The following SLC8A1 variants were observed in gnomAD, a reference collection of about 807,000 sequenced individuals.
The protein encoded by SLC8A1 is solute carrier family 8 member A1.
SLC8A1 carries 18 observed loss-of-function variants against 68.3 expected under a neutral mutation model. The observed-to-expected ratio is 0.26, with a 90% confidence interval of 0.18 to 0.39. The LOEUF is 0.39. Ranked by LOEUF, SLC8A1 falls within the 10% of genes least tolerant of loss-of-function variation. The pLI is 1.00. For synonymous variants in SLC8A1, 475 were observed against 415.5 expected, an observed-to-expected ratio of 1.14 and a Z score of -1.74; for missense variants, 985 against 1,156.7, an observed-to-expected ratio of 0.85 and a Z score of 2.15.
intron 2 of SLC8A1, among the ~76,000 whole-genome samples, chr2:40,257,805 T>C (rs3749056): frequency 0.82 from 124,937 of 152,202 alleles, 52,199 homozygotes; most frequent in South Asian, 0.93. Flanking sequence ...AATTCTCCAG[T>C]AACTTTTTCT....
At chr2:40,132,041 C>T (rs2039483337) in intron 7 of SLC8A1, among the ~76,000 whole-genome samples, 1 of 151,794 alleles carries the variant, frequency 6.6e-6, no homozygotes, top group East Asian at 1.9e-4. Flanking sequence ...TCATGCCAAA[C>T]AGAATAATAG....
upstream of SLC8A1, among the ~76,000 whole-genome samples, chr2:40,454,386 T>C (rs957770942): frequency 6.6e-6 from 1 of 152,130 alleles, no homozygotes; most frequent in South Asian, 2.1e-4. Flanking sequence ...GCTGAGATTT[T>C]CTTGAAATTT....
chr2:40,316,342 CA>C (rs1347309577), intron 2 of SLC8A1, among the ~76,000 whole-genome samples: 1 of 151,878 alleles, frequency 6.6e-6, no homozygotes, highest in Admixed American at 6.6e-5. Context: ...TTACTACCTC[CA>C]AAAAGCAGTA....
At chr2:40,467,521 ATTG>A (rs1378424835) in intron 1 of SLC8A1, among the ~76,000 whole-genome samples, 1 of 152,084 alleles carries the variant, frequency 6.6e-6, no homozygotes, top group Non-Finnish European at 1.5e-5. Context: ...GGCAGCTGCT[ATTG>A]TTGTCTCCTT....
At chr2:40,115,205 T>G (rs752982570) in exon 8 of SLC8A1, 1 of 1,211,962 alleles carries the variant, frequency 8.3e-7, no homozygotes, top group East Asian at 2.8e-5. Flanking sequence ...ACATAATTTT[T>G]ATGTATATAT....
At chr2:40,443,554 G>C (rs17026039) in intron 1 of SLC8A1, among the ~76,000 whole-genome samples, 32,250 of 151,966 alleles carry the variant, frequency 0.21, 3,782 homozygotes, top group East Asian at 0.44. Context: ...TGTTTGGAAG[G>C]GACAAAAAGT....
intron 2 of SLC8A1, among the ~76,000 whole-genome samples, chr2:40,191,049 T>C (rs1052270482): frequency 6.6e-6 from 1 of 152,194 alleles, no homozygotes; most frequent in African/African-American, 2.4e-5. Flanking sequence ...AACAATGTGG[T>C]AAGCTTGTAG....
intron 1 of SLC8A1, among the ~76,000 whole-genome samples, chr2:40,432,249 G>T (rs565642065): frequency 5.9e-5 from 9 of 151,676 alleles, no homozygotes; most frequent in Non-Finnish European, 1.0e-4. Context: ...TAGATCCTGA[G>T]AATTCACCAG....
At chr2:40,409,081 A>G (rs1691305690) in intron 2 of SLC8A1, among the ~76,000 whole-genome samples, 1 of 152,176 alleles carries the variant, frequency 6.6e-6, no homozygotes, top group Non-Finnish European at 1.5e-5. Flanking sequence ...ACAGACCTGT[A>G]AAGTGCTGCT....
intron 1 of SLC8A1, among the ~76,000 whole-genome samples, chr2:40,451,540 T>A (rs1317051776): frequency 6.6e-6 from 1 of 152,152 alleles, no homozygotes; most frequent in African/African-American, 2.4e-5. Context: ...CGGGGTGGAC[T>A]TAGCTCTTCG....
intron 2 of SLC8A1, among the ~76,000 whole-genome samples, chr2:40,209,654 C>T (rs2056203043): frequency 6.6e-6 from 1 of 152,078 alleles, no homozygotes; most frequent in African/African-American, 2.4e-5. Context: ...ATGATGGTGC[C>T]TCAGGACAGG....
At chr2:40,215,494 G>A (rs562109574) in intron 2 of SLC8A1, among the ~76,000 whole-genome samples, 15 of 151,766 alleles carry the variant, frequency 9.9e-5, no homozygotes, top group South Asian at 4.2e-4. Context: ...AAAATTAGCC[G>A]GGCACGGTGG....
rs1299299228 is a variant in SLC8A1 at position 40,247,503 on chromosome 2, T to TTTAAA, written c.1809-69653_1809-69649dup. The stretch of plus-strand genomic sequence containing the variant: ...GGCATGGGTTTTACTAATGTTATTA[T>TTTAAA]TTAAATAAACCCTTCCTTATGCTAG... On this transcript the variant is annotated intron_variant, in intron 2 of 7. Coordinates refer to ENST00000406785, the Ensembl canonical transcript of SLC8A1. Among the ~76,000 whole-genome samples the TTTAAA allele has an allele frequency of 4.5e-4, 68 of 152,228 alleles. 1 individual carries two copies. Among genetic ancestry groups the TTTAAA allele is most frequent in the African/African-American group, 1.4e-3 (59 of 41,540 alleles).
intron 1 of SLC8A1, among the ~76,000 whole-genome samples, chr2:40,471,526 ATGGAG>A (rs1311741500): frequency 6.6e-6 from 1 of 152,078 alleles, no homozygotes; most frequent in Non-Finnish European, 1.5e-5. Flanking sequence ...CCCTGATCCT[ATGGAG>A]TGAGACAGTA....
At chr2:40,495,021 G>T (rs972981000) in intron 1 of SLC8A1, among the ~76,000 whole-genome samples, 2 of 151,568 alleles carry the variant, frequency 1.3e-5, no homozygotes, top group Admixed American at 6.6e-5. Flanking sequence ...GGGAGGTAAG[G>T]TTTGGTACCC....
intron 2 of SLC8A1, among the ~76,000 whole-genome samples, chr2:40,293,705 AG>A (rs1362146139): frequency 1.4e-4 from 21 of 152,182 alleles, no homozygotes; most frequent in Non-Finnish European, 2.2e-4. Flanking sequence ...GGTTACTTCA[AG>A]GCAATTGAAA....
At chr2:40,110,419 A>G (rs1422010631) in exon 8 of SLC8A1, 1 of 152,234 alleles carries the variant, frequency 6.6e-6, no homozygotes, top group Non-Finnish European at 1.5e-5. Flanking sequence ...ACATTCTATT[A>G]GCAAAACTCC....
chr2:40,359,572 T>C (rs149235347), intron 2 of SLC8A1, among the ~76,000 whole-genome samples: 17 of 152,214 alleles, frequency 1.1e-4, no homozygotes, highest in African/African-American at 4.1e-4. Flanking sequence ...TACTGCATTA[T>C]AACAGTTTGG....
chr2:40,424,341 ATAGAGAATTC>A (rs1251700088), intron 2 of SLC8A1, among the ~76,000 whole-genome samples: 1 of 151,826 alleles, frequency 6.6e-6, no homozygotes, highest in Non-Finnish European at 1.5e-5. Flanking sequence ...AGCTAAGTCT[ATAGAGAATTC>A]TATAGAATTC....
Sources: allele counts gnomAD v4.1 joint callset (sites outside exome capture counted in the v4.1 genomes callset), GRCh38; gene constraint gnomAD v4.1.1; transcripts MANE v1.5; gene names NCBI Gene and HGNC (gene_info 2026-07-23, HGNC 2026-07-21).